ITGAD: variants seen among roughly 807,000 people sequenced by gnomAD.
ITGAD encodes integrin alpha-D.
Under a neutral mutation model 139.0 loss-of-function variants are expected in ITGAD, and 105 were observed. The observed-to-expected ratio is 0.76, with a 90% CI of 0.65 to 0.89. The LOEUF (loss-of-function observed/expected upper bound fraction) is 0.89. Among genes scored for constraint, ITGAD ranks in the 40% least tolerant of loss-of-function variants. The probability of loss-of-function intolerance (pLI) is 0.00; values close to 1 mark genes in which losing one functional copy is unlikely to be tolerated. For synonymous variants in ITGAD, 569 were observed against 598.3 expected (o/e 0.95, Z 0.71); for missense variants, 1,384 against 1,487.3 (o/e 0.93, Z 1.14).
intron 13 of ITGAD, 26 bp from the exon 14 acceptor site, chr16:31,411,282 G>GGTCT (rs766262811): frequency 6.2e-7 from 1 of 1,608,312 alleles, no homozygotes; most frequent in Non-Finnish European, 8.5e-7. Flanking sequence ...CCTGGATTGG[G>GGTCT]GTCTGACACT....
intron 20 of ITGAD, 119 bp from the exon 21 acceptor site, chr16:31,417,955 AC>A (rs1345714216): frequency 1.3e-6 from 1 of 754,860 alleles, no homozygotes; most frequent in South Asian, 1.8e-5. Flanking sequence ...TCAAAAAAAA[AC>A]AACAACAAAA....
chr16:31,410,893 G>C lies in ITGAD; in HGVS notation c.1356+15G>C, dbSNP rs752748814. The C allele has an allele frequency of 5.0e-6, 8 of 1,610,924 alleles. No individual in the cohort carries two copies. The highest frequency in any genetic ancestry group is 5.9e-6 in the Non-Finnish European group (7 of 1,178,284). ...CAGGGACGCAGGTTGGGCGTGACAG[G>C]AGCCAGAGGGGAGGATGAGGGTGGG... On this transcript the variant is annotated intron_variant, in intron 12 of 29. Transcript: ENST00000389202.
At chr16:31,404,403 G>A (rs555627645) in intron 7 of ITGAD, 1 of 152,222 alleles carries the variant, frequency 6.6e-6, no homozygotes, top group African/African-American at 2.4e-5. Context: ...GCAGCCCTGG[G>A]GTGGTGCTAG....
At position 31,407,936 on chromosome 16, in the gene ITGAD, C is replaced by A; in HGVS notation, c.1009+20C>A. On this transcript the variant is annotated intron_variant, in intron 9 of 29. Transcript: ENST00000389202. Reference sequence around the variant, plus strand: ...TTGAGGGTAAATGGAAGCAAGGGTGCGCCTGGGAGCCAAGGGGTCCCCACC... The same window carrying A: ...TTGAGGGTAAATGGAAGCAAGGGTGAGCCTGGGAGCCAAGGGGTCCCCACC... 1 of 1,553,872 alleles carries A rather than the reference C, an allele frequency of 6.4e-7. No homozygotes were observed. Among genetic ancestry groups the A allele is most frequent in the South Asian group, 1.2e-5 (1 of 84,248 alleles).
At position 31,423,383 on chromosome 16, in the gene ITGAD, T is replaced by C. The variant is rs541431535; in HGVS notation, c.2891T>C (p.Ile964Thr). The change falls in exon 25 of 30, where the codon ATC (isoleucine) becomes ACC (threonine). Residue 964 changes from isoleucine (I) to threonine (T), a missense_variant. Physicochemically the swap from Ile to Thr is moderately conservative, Grantham distance 89 (BLOSUM62 -1). Coordinates refer to ENST00000389202, the MANE Select transcript of ITGAD (RefSeq NM_005353.3). ...VNNLSQRDLA[I>T]SINFWVPVLL... ...AACCTCAGCCAGCGAGATCTGGCCA[T>C]CAGCATTAACTTCTGGGTTCCTGTC... The C allele has an allele frequency of 1.9e-6, 3 of 1,614,152 alleles. No homozygotes were observed. Among genetic ancestry groups the C allele is most frequent in the East Asian group, 2.2e-5 (1 of 44,882 alleles).
At position 31,412,928 on chromosome 16, in the gene ITGAD, G is replaced by A. The variant is rs745478723; in HGVS notation, c.1798G>A (p.Asp600Asn). The stretch of plus-strand genomic sequence containing the variant: ...GGACCTCACCCAGGATGGACTGATG[G>A]ACCTGGCCGTGGGGGCCCGGGGCCA... The part of the protein sequence containing the change: ...GQDLTQDGLM[D>N]LAVGARGQVL... The change falls in exon 15 of 30, where the codon GAC (aspartate) becomes AAC (asparagine). Residue 600 changes from aspartate (D) to asparagine (N), a missense_variant. Transcript: ENST00000389202. 3.1e-6 allele frequency: 5 copies of A among 1,612,360 alleles called. No homozygotes were observed. The highest frequency in any genetic ancestry group is 2.2e-5 in the East Asian group (1 of 44,860).
In ITGAD at chr16:31,423,363, C is replaced by G. The variant is rs770452649; in HGVS notation, c.2871C>G (p.Leu957=). The change falls in exon 25 of 30, where the codon CTC becomes CTG. Residue 957 remains leucine, a synonymous_variant. Transcript: ENST00000389202. The part of the protein sequence containing the change: ...EAEHRYRVNN[L]SQRDLAISIN... ...TTGATTTCCTGCAGGTGAATAACCTCAGCCAGCGAGATCTGGCCATCAGCA... is the reference window on the plus strand; with the variant it reads ...TTGATTTCCTGCAGGTGAATAACCTGAGCCAGCGAGATCTGGCCATCAGCA... The G allele has an allele frequency of 5.6e-6, 9 of 1,613,874 alleles. No homozygotes were observed. Among genetic ancestry groups the G allele is most frequent in the Admixed American group, 1.7e-5 (1 of 60,000 alleles).
intron 7 of ITGAD, chr16:31,404,717 C>G (rs2081495003): frequency 6.6e-6 from 1 of 152,324 alleles, no homozygotes; most frequent in African/African-American, 2.4e-5. Context: ...GCCTTTGCTC[C>G]CCAGAGCCAA....
At chr16:31,395,414 A>G (rs1040639254) in intron 2 of ITGAD, among the ~76,000 whole-genome samples, 2 of 152,058 alleles carry the variant, frequency 1.3e-5, no homozygotes, top group African/African-American at 4.8e-5. Flanking sequence ...AAGGGTGGTG[A>G]AGGGGTATCA....
rs576576219 is a variant in ITGAD at position 31,403,753 on chromosome 16, C to T, written c.704+108C>T. The T allele has an allele frequency of 1.5e-4, 217 of 1,418,332 alleles. 1 individual carries two copies. The highest frequency in any genetic ancestry group is 8.1e-5 in the Non-Finnish European group (83 of 1,029,936). 87.9% of individuals were successfully genotyped at this position (1,418,332 alleles called of 1,614,324 possible). On this transcript the variant is annotated intron_variant, in intron 7 of 29. Transcript: ENST00000389202. The surrounding 1 kb of genome is among the most constrained non-coding windows in gnomAD (Gnocchi z 4.4). ...CTGAGGGAGGCTCCAGGGAAAGGGG[C>T]TACCAAGGGGCATGTCGGGGCTGCA... is the stretch of plus-strand genomic sequence containing the variant.
intron 14 of ITGAD, among the ~76,000 whole-genome samples, chr16:31,412,169 G>A (rs980646971): frequency 2.6e-5 from 4 of 151,258 alleles, no homozygotes; most frequent in African/African-American, 4.9e-5. Context: ...GTAGCCTCCC[G>A]AGTAGCTGAG....
Position 31,410,523 on chromosome 16 carries a change from G to C in ITGAD, c.1212G>C (p.Leu404=). ...ATGTGGACATGAGGGACTCTTACCT[G>C]GGTGAGAAACGGCCAGGGGTTGGGG... ...QENVDMRDSY[L]GYSTELALWK... is the part of the protein sequence containing the mutation. Residue 404 remains leucine, a splice_region_variant and synonymous_variant, in exon 11 of 30, where the codon CTG becomes CTC. Transcript: ENST00000389202. The C allele has an allele frequency of 6.2e-7, 1 of 1,613,756 alleles. No individual in the cohort carries two copies. Among genetic ancestry groups the C allele is most frequent in the Non-Finnish European group, 8.5e-7 (1 of 1,179,936 alleles).
At chr16:31,399,608 C>G (rs987790194) in intron 5 of ITGAD, among the ~76,000 whole-genome samples, 1 of 152,078 alleles carries the variant, frequency 6.6e-6, no homozygotes, top group African/African-American at 2.4e-5. Context: ...CCGTGCCCAG[C>G]CTGAGATGTC....
chr16:31,420,810 G>T (rs2081992935), intron 23 of ITGAD, among the ~76,000 whole-genome samples: 3 of 152,178 alleles, frequency 2.0e-5, no homozygotes, highest in African/African-American at 7.2e-5. Context: ...GTGACCTCAG[G>T]TGATCCACCC....
chr16:31,412,691 C>T, intron 14 of ITGAD, 147 bp from the exon 15 acceptor site: 1 of 991,474 alleles, frequency 1.0e-6, no homozygotes, highest in South Asian at 1.5e-5. Context: ...CCTACCTCCT[C>T]TTTTCAGGCT....
chr16:31,406,333 A>G (rs1185980524), intron 7 of ITGAD, among the ~76,000 whole-genome samples: 1 of 152,200 alleles, frequency 6.6e-6, no homozygotes, highest in Admixed American at 6.5e-5. Flanking sequence ...TTGGCTTCCC[A>G]AAGTGCTGGG....
intron 18 of ITGAD, 84 bp from the exon 19 acceptor site, chr16:31,416,129 T>C: frequency 8.7e-7 from 1 of 1,144,696 alleles, no homozygotes; most frequent in Non-Finnish European, 1.3e-6. Flanking sequence ...TTAGTAATGC[T>C]CAATGTTGGA....
chr16:31,422,984 C>T, intron 23 of ITGAD, 130 bp from the exon 24 acceptor site: 1 of 747,506 alleles, frequency 1.3e-6, no homozygotes, highest in South Asian at 1.6e-5. Flanking sequence ...AGCCACTGTG[C>T]CCGGCCAAAT....
chr16:31,405,518 A>G (rs1212744590), intron 7 of ITGAD, among the ~76,000 whole-genome samples: 1 of 152,128 alleles, frequency 6.6e-6, no homozygotes, highest in East Asian at 1.9e-4. Context: ...GCATAGCACA[A>G]TGCCACTTCC....
Sources: allele counts gnomAD v4.1 joint callset (sites outside exome capture counted in the v4.1 genomes callset), GRCh38; gene constraint gnomAD v4.1.1; non-coding constraint Gnocchi (gnomAD v3.1); transcripts MANE v1.5; gene names NCBI Gene and HGNC (gene_info 2026-07-23, HGNC 2026-07-21).